NAV3: variants seen among roughly 807,000 people sequenced by gnomAD.
The protein encoded by NAV3 is pore membrane and/or filament interacting like protein 1.
Under a neutral mutation model 244.7 loss-of-function variants are expected in NAV3, and 87 were observed. The ratio of observed to expected loss-of-function variants is 0.36; its 90% CI spans 0.30 to 0.42. The LOEUF (loss-of-function observed/expected upper bound fraction) is 0.42. Among genes scored for constraint, NAV3 ranks in the 20% least tolerant of loss-of-function variants. NAV3 has a pLI of 1.00. For synonymous variants in NAV3, 1,126 were observed against 1,042.2 expected, an observed-to-expected ratio of 1.08 and a Z score of -1.55; for missense variants, 2,663 against 2,893.3, an observed-to-expected ratio of 0.92 and a Z score of 1.83.
At chr12:77,705,166 C>G (rs991381494) in intron 2 of NAV3, among the ~76,000 whole-genome samples, 16 of 152,148 alleles carry the variant, frequency 1.1e-4, no homozygotes, top group Admixed American at 6.5e-5. Flanking sequence ...TGCCTGTAAT[C>G]CCAGCACTTT....
At chr12:77,772,224 T>G (rs145264322) in intron 2 of NAV3, among the ~76,000 whole-genome samples, 151 of 152,304 alleles carry the variant, frequency 9.9e-4, no homozygotes, top group African/African-American at 3.4e-3. Context: ...CCTGGCTGAT[T>G]TCTATGGCAC....
chr12:77,652,821 A>G (rs1053051017), intron 2 of NAV3, among the ~76,000 whole-genome samples: 6 of 152,242 alleles, frequency 3.9e-5, no homozygotes, highest in Admixed American at 2.0e-4. Context: ...AGAGCCCATT[A>G]TCAAGCAATC....
At chr12:77,630,553 TCTC>T (rs1233663592) in intron 2 of NAV3, among the ~76,000 whole-genome samples, 3 of 152,178 alleles carry the variant, frequency 2.0e-5, no homozygotes, top group Non-Finnish European at 2.9e-5. Context: ...CAGATCAGCT[TCTC>T]CTCCTCCCCA....
chr12:77,749,075 G>A (rs1426896005), intron 2 of NAV3, among the ~76,000 whole-genome samples: 3 of 152,118 alleles, frequency 2.0e-5, no homozygotes, highest in East Asian at 1.9e-4. Context: ...AACCATCCAC[G>A]TTGTTGGAAA....
In NAV3 at chr12:78,006,673, T is replaced by C. The variant is rs1874280318; in HGVS notation, c.1135T>C (p.Ser379Pro). ...CTCAGAAGGGGTCAAAACTGCTCCC[T>C]CAGGACAGAAATCCATGCTTGAGAA... ...PVSEGVKTAPSGQKSMLEKFK... is the reference protein window; with the variant it reads ...PVSEGVKTAPPGQKSMLEKFK... Residue 379 changes from serine (S) to proline (P), a missense_variant, in exon 8 of 40, where the codon TCA becomes CCA. This residue lies in a region of NAV3 where 1,521 missense variants were observed against 1,497.0 expected (regional missense o/e 1.02). Transcript: ENST00000397909. 2 of 1,614,122 alleles carry C rather than the reference T, an allele frequency of 1.2e-6. No homozygotes were observed. The highest frequency in any genetic ancestry group is 1.7e-5 in the Admixed American group (1 of 60,010).
intron 2 of NAV3, among the ~76,000 whole-genome samples, chr12:77,795,906 G>T (rs1333829293): frequency 6.6e-6 from 1 of 152,030 alleles, no homozygotes; most frequent in African/African-American, 2.4e-5. Context: ...CCTACTGCTT[G>T]GAAAGAAAAG....
chr12:77,642,572 G>A (rs796546357), intron 2 of NAV3, among the ~76,000 whole-genome samples: 87 of 152,084 alleles, frequency 5.7e-4, no homozygotes, highest in African/African-American at 1.5e-3. Context: ...GGTAGTATGC[G>A]CTATGGGAAT....
rs569198653 is a variant in NAV3, at chr12:78,050,215, C to T, written c.2132+114C>T. On this transcript the variant is annotated intron_variant, in intron 10 of 39. Coordinates refer to ENST00000397909, the MANE Select transcript of NAV3 (RefSeq NM_001024383.2). ...GATTTCAGTTTCCCCTTACTATTTT[C>T]TCCCTTGTTTTATATCAAATTGATT... is the stretch of plus-strand genomic sequence containing the variant. 1.7e-4 allele frequency: 129 copies of T among 756,652 alleles called. 2 individuals are homozygous for T. The South Asian group carries it at 2.0e-3, about 12-fold the overall frequency. The allele number at this position is 756,652 out of a possible 1,614,324, so 46.9% of individuals were successfully genotyped here.
At chr12:78,082,323 G>A (rs1566106366) in intron 12 of NAV3, among the ~76,000 whole-genome samples, 1 of 151,962 alleles carries the variant, frequency 6.6e-6, no homozygotes, top group Non-Finnish European at 1.5e-5. Flanking sequence ...TAATACACAG[G>A]CATATGCATT....
chr12:77,776,404 G>A (rs762211651), intron 2 of NAV3, among the ~76,000 whole-genome samples: 11 of 152,166 alleles, frequency 7.2e-5, no homozygotes, highest in Admixed American at 2.6e-4. Flanking sequence ...AATTGAGAAC[G>A]TAACGAAGGC....
intron 2 of NAV3, among the ~76,000 whole-genome samples, chr12:77,635,089 C>A (rs150256677): frequency 1.3e-5 from 2 of 152,024 alleles, no homozygotes; most frequent in African/African-American, 4.8e-5. Context: ...ACTAGCCAGG[C>A]GTAGTGATGT....
At chr12:78,084,649 G>A (rs377252220) in intron 12 of NAV3, among the ~76,000 whole-genome samples, 190 of 151,750 alleles carry the variant, frequency 1.3e-3, no homozygotes, top group Middle Eastern at 6.8e-3. Flanking sequence ...ATTTTTTAAA[G>A]TTACCTTGCT....
intron 2 of NAV3, among the ~76,000 whole-genome samples, chr12:77,807,194 A>G (rs1301992311): frequency 6.6e-6 from 1 of 152,146 alleles, no homozygotes; most frequent in Non-Finnish European, 1.5e-5. Context: ...TAATATCGAC[A>G]TGTGTGAATT....
intron 2 of NAV3, among the ~76,000 whole-genome samples, chr12:77,640,960 A>G (rs1203729959): frequency 1.3e-5 from 2 of 152,052 alleles, no homozygotes; most frequent in Admixed American, 6.6e-5. Context: ...AGAAATTCTC[A>G]TTGGTTTGTG....
intron 26 of NAV3, 93 bp from the exon 27 acceptor site, chr12:78,177,048 A>C: frequency 8.1e-7 from 1 of 1,236,534 alleles, no homozygotes; most frequent in African/African-American, 1.5e-5. Flanking sequence ...GACCCCAGGC[A>C]GTGGCTAGGA....
At chr12:77,667,061 C>A (rs940557061) in intron 2 of NAV3, among the ~76,000 whole-genome samples, 3 of 152,110 alleles carry the variant, frequency 2.0e-5, no homozygotes, top group Non-Finnish European at 4.4e-5. Context: ...ATTGTACATT[C>A]CTAATTATGC....
chr12:77,636,911 G>A (rs1182097921), intron 2 of NAV3, among the ~76,000 whole-genome samples: 5 of 152,076 alleles, frequency 3.3e-5, no homozygotes, highest in African/African-American at 1.2e-4. Context: ...AACACCGTAT[G>A]TGCTCACTCA....
intron 2 of NAV3, among the ~76,000 whole-genome samples, chr12:77,622,397 G>A (rs1467980409): frequency 6.6e-6 from 1 of 151,938 alleles, no homozygotes; most frequent in Non-Finnish European, 1.5e-5. Context: ...CTGACCTTGT[G>A]ATCTGCCCGC....
chr12:77,783,102 G>C (rs1870744913), intron 2 of NAV3, among the ~76,000 whole-genome samples: 1 of 150,870 alleles, frequency 6.6e-6, no homozygotes, highest in Admixed American at 6.6e-5. Context: ...ATATATGATT[G>C]CTTTTTTTTT....
Sources: gnomAD v4.1 joint callset for allele counts (sites outside exome capture counted in the v4.1 genomes callset) on GRCh38, gnomAD v4.1.1 for gene constraint, gnomAD v4.1.1 regional missense constraint, MANE v1.5 for transcripts, NCBI Gene and HGNC (gene_info 2026-07-23, HGNC 2026-07-21) for gene names.